Variants in SLAIN2 observed in about 807,000 individuals in gnomAD.
SLAIN2 encodes the protein SLAIN family member 2.
SLAIN2 carries 31 observed loss-of-function variants against 56.6 expected under a neutral mutation model. That is an observed-to-expected ratio of 0.55 (90% CI 0.41 to 0.74). The LOEUF is 0.74. Among genes scored for constraint, SLAIN2 ranks in the 30% least tolerant of loss-of-function variants. SLAIN2 has a pLI of 0.00. For missense variants in SLAIN2, 777 were observed against 754.2 expected, an observed-to-expected ratio of 1.03 and a Z score of -0.35; for synonymous variants, 317 against 284.9, an observed-to-expected ratio of 1.11 and a Z score of -1.13.
At chr4:48,407,533 A>G (rs1716730206) in intron 6 of SLAIN2, among the ~76,000 whole-genome samples, 1 of 151,880 alleles carries the variant, frequency 6.6e-6, no homozygotes, top group Non-Finnish European at 1.5e-5. Context: ...TTTATGTGTG[A>G]TTTGACTTCA....
chr4:48,402,015 C>G (rs1716568373), intron 6 of SLAIN2, among the ~76,000 whole-genome samples: 1 of 152,064 alleles, frequency 6.6e-6, no homozygotes, highest in South Asian at 2.1e-4. Context: ...CTTATTTCTC[C>G]TTCACTTATG....
chr4:48,351,965 C>T (rs1045201697), intron 1 of SLAIN2, among the ~76,000 whole-genome samples: 1 of 152,120 alleles, frequency 6.6e-6, no homozygotes, highest in Non-Finnish European at 1.5e-5. Flanking sequence ...GCGAGTGATA[C>T]ATTTGAGTAG....
At chr4:48,363,757 CA>C (rs1454412325) in intron 1 of SLAIN2, among the ~76,000 whole-genome samples, 9 of 110,902 alleles carry the variant, frequency 8.1e-5, no homozygotes, top group Non-Finnish European at 1.2e-4. Context: ...TGACCCCCCC[CA>C]CCTCCCTCCC....
chr4:48,342,851 C>T (rs150140996), intron 1 of SLAIN2, among the ~76,000 whole-genome samples: 2 of 148,742 alleles, frequency 1.3e-5, no homozygotes, highest in African/African-American at 4.9e-5. Context: ...ATCCATCTTT[C>T]ATTTCCACGT....
intron 2 of SLAIN2, among the ~76,000 whole-genome samples, chr4:48,373,416 G>A (rs558383836): frequency 1.3e-5 from 2 of 152,128 alleles, no homozygotes; most frequent in South Asian, 4.1e-4. Flanking sequence ...CTGTTTTGGT[G>A]TTTTCATCTG....
At chr4:48,368,082 G>C (rs1201542339) in intron 1 of SLAIN2, among the ~76,000 whole-genome samples, 1 of 59,210 alleles carries the variant, frequency 1.7e-5, no homozygotes, top group Non-Finnish European at 2.8e-5. Context: ...TTGCTCTGTT[G>C]CCCAGGCTGG....
chr4:48,404,763 A>G (rs990166023), intron 6 of SLAIN2, among the ~76,000 whole-genome samples: 1 of 152,126 alleles, frequency 6.6e-6, no homozygotes, highest in Non-Finnish European at 1.5e-5. Flanking sequence ...ACAGCTGTCA[A>G]TTTCCTTTGC....
chr4:48,368,957 C>T (rs1384302735), intron 1 of SLAIN2, among the ~76,000 whole-genome samples: 3 of 152,090 alleles, frequency 2.0e-5, no homozygotes, highest in Non-Finnish European at 4.4e-5. Context: ...TACAGTGAAA[C>T]AACACTTCAT....
At chr4:48,345,409 A>G (rs984816169) in intron 1 of SLAIN2, among the ~76,000 whole-genome samples, 8 of 152,024 alleles carry the variant, frequency 5.3e-5, no homozygotes, top group Non-Finnish European at 8.8e-5. Context: ...TAAGTTGCTC[A>G]TTGTCATTAT....
intron 6 of SLAIN2, among the ~76,000 whole-genome samples, chr4:48,418,066 T>C (rs2109789576): frequency 7.1e-6 from 1 of 140,538 alleles, no homozygotes; most frequent in Admixed American, 7.2e-5. Flanking sequence ...CTGTGCCTTT[T>C]ATTATTATTT....
chr4:48,363,972 G>A (rs1384069716), intron 1 of SLAIN2, among the ~76,000 whole-genome samples: 1 of 129,450 alleles, frequency 7.7e-6, no homozygotes. Flanking sequence ...CGGGCAGGGG[G>A]CTGACCCCCC....
At chr4:48,383,434 T>C (rs529186617) in intron 5 of SLAIN2, among the ~76,000 whole-genome samples, 2 of 152,302 alleles carry the variant, frequency 1.3e-5, no homozygotes, top group Admixed American at 6.5e-5. Flanking sequence ...AATATAAAAT[T>C]TGTGGTTATC....
At chr4:48,366,039 T>A (rs771738352) in intron 1 of SLAIN2, among the ~76,000 whole-genome samples, 4 of 152,258 alleles carry the variant, frequency 2.6e-5, no homozygotes, top group Non-Finnish European at 5.9e-5. Context: ...TTCACAGTAG[T>A]TTCTGATTTC....
intron 2 of SLAIN2, among the ~76,000 whole-genome samples, chr4:48,376,913 C>CT (rs11347630): frequency 0.051 from 5,715 of 111,680 alleles, 213 homozygotes; most frequent in East Asian, 0.12. Context: ...GCCCGGCCGA[C>CT]TTTTTTTTTT....
chr4:48,392,377 C>A (rs1028439236), intron 6 of SLAIN2, among the ~76,000 whole-genome samples: 1 of 152,064 alleles, frequency 6.6e-6, no homozygotes, highest in Non-Finnish European at 1.5e-5. Context: ...CCATTGGAGT[C>A]GCCACAGCTA....
At chr4:48,411,410 T>C (rs1716843828) in intron 6 of SLAIN2, among the ~76,000 whole-genome samples, 1 of 152,208 alleles carries the variant, frequency 6.6e-6, no homozygotes, top group African/African-American at 2.4e-5. Context: ...GGGTTAGCTC[T>C]TACACTTAGG....
chr4:48,420,013 A>G, intron 6 of SLAIN2, 112 bp from the exon 7 acceptor site: 4 of 1,052,226 alleles, frequency 3.8e-6, no homozygotes, highest in Non-Finnish European at 5.5e-6. Flanking sequence ...ATTGCTGTGA[A>G]GTTTCCTGAA....
At chr4:48,364,274 GAT>G (rs1715445797) in intron 1 of SLAIN2, among the ~76,000 whole-genome samples, 1 of 91,558 alleles carries the variant, frequency 1.1e-5, no homozygotes, top group African/African-American at 3.9e-5. Context: ...CATCTCAGAC[GAT>G]GGGCGGCGGG....
Position 48,345,400 on chromosome 4 carries a change from A to C in SLAIN2, c.389+3272A>C, listed in dbSNP as rs757006248. On this transcript the variant is annotated intron_variant, in intron 1 of 7. Coordinates refer to ENST00000264313, the MANE Select transcript of SLAIN2 (RefSeq NM_020846.2). ...GGTTATTTTTTTCTTAATTAACTCTAAGTTGCTCATTGTCATTATACATGG... is the reference window on the plus strand; with the variant it reads ...GGTTATTTTTTTCTTAATTAACTCTCAGTTGCTCATTGTCATTATACATGG... 2.0e-5 allele frequency among the ~76,000 whole-genome samples: 3 copies of C among 152,262 alleles called. No homozygotes were observed. In the South Asian group the frequency reaches 6.2e-4, roughly 32 times the overall value.
Sources: allele counts gnomAD v4.1 joint callset (sites outside exome capture counted in the v4.1 genomes callset), GRCh38; gene constraint gnomAD v4.1.1; transcripts MANE v1.5; gene names NCBI Gene and HGNC (gene_info 2026-07-23, HGNC 2026-07-21).